TTLL7: variants seen among roughly 807,000 people sequenced by gnomAD.
The protein encoded by TTLL7 is tubulin tyrosine ligase like 7.
In TTLL7, 53 loss-of-function variants were observed where a neutral mutation model predicts 120.2. The observed-to-expected ratio is 0.44, with a 90% CI of 0.35 to 0.55. TTLL7 has a LOEUF of 0.55. Ranked by LOEUF, TTLL7 falls within the 20% of genes least tolerant of loss-of-function variation. TTLL7 has a pLI of 0.00. For synonymous variants in TTLL7, 353 were observed against 351.7 expected (o/e 1.00, Z -0.04); for missense variants, 803 against 1,054.7 (o/e 0.76, Z 3.31).
At chr1:83,983,574 C>G (rs1652172369) in intron 1 of TTLL7, among the ~76,000 whole-genome samples, 1 of 152,094 alleles carries the variant, frequency 6.6e-6, no homozygotes, top group Non-Finnish European at 1.5e-5. Context: ...GAGTTTATGG[C>G]TAAGTGCCCA....
At chr1:83,884,389 T>C (rs1421197433) in intron 19 of TTLL7, among the ~76,000 whole-genome samples, 2 of 146,142 alleles carry the variant, frequency 1.4e-5, no homozygotes, top group Non-Finnish European at 3.0e-5. Context: ...CTGTGGATAT[T>C]TGATATATTT....
intron 6 of TTLL7, among the ~76,000 whole-genome samples, chr1:83,944,079 G>C (rs1648240740): frequency 6.6e-6 from 1 of 151,832 alleles, no homozygotes; most frequent in Non-Finnish European, 1.5e-5. Flanking sequence ...GAAAACTTGA[G>C]GATAAGCCAA....
intron 1 of TTLL7, among the ~76,000 whole-genome samples, chr1:83,975,834 C>T (rs1027597302): frequency 3.9e-5 from 6 of 152,066 alleles, no homozygotes; most frequent in African/African-American, 1.4e-4. Context: ...CTTTCTACTA[C>T]AGATTTTTGT....
intron 1 of TTLL7, among the ~76,000 whole-genome samples, chr1:83,956,877 T>C (rs1001647342): frequency 1.3e-5 from 2 of 152,204 alleles, no homozygotes; most frequent in African/African-American, 2.4e-5. Flanking sequence ...TAAGGGAGAC[T>C]TACTTGTACT....
chr1:83,915,686 AC>A (rs1241806418), intron 14 of TTLL7, among the ~76,000 whole-genome samples: 1 of 152,152 alleles, frequency 6.6e-6, no homozygotes, highest in Non-Finnish European at 1.5e-5. Context: ...AAAAGAAACT[AC>A]TATCAGAGTG....
At chr1:83,979,029 A>G (rs1299731399) in intron 1 of TTLL7, 1 of 152,216 alleles carries the variant, frequency 6.6e-6, no homozygotes, top group Admixed American at 6.5e-5. Context: ...AGCTCTCAGA[A>G]GCAGAGAGGA....
intron 1 of TTLL7, among the ~76,000 whole-genome samples, chr1:83,958,373 A>C (rs970504169): frequency 1.3e-5 from 2 of 152,192 alleles, no homozygotes; most frequent in Non-Finnish European, 2.9e-5. Context: ...ACTTCCAAAA[A>C]AAAGAGAAAA....
chr1:83,981,730 G>T (rs1268351772), intron 1 of TTLL7, among the ~76,000 whole-genome samples: 1 of 151,960 alleles, frequency 6.6e-6, no homozygotes, highest in Non-Finnish European at 1.5e-5. Flanking sequence ...TACTCAGGAG[G>T]CTGAGGCAGG....
intron 3 of TTLL7, among the ~76,000 whole-genome samples, chr1:83,950,931 C>T (rs188351848): frequency 1.4e-3 from 207 of 152,244 alleles, no homozygotes; most frequent in African/African-American, 4.8e-3. Flanking sequence ...AAAACAATAA[C>T]AAATTCAGAA....
At chr1:83,897,433 G>A (rs1395108240) in intron 18 of TTLL7, among the ~76,000 whole-genome samples, 1 of 152,000 alleles carries the variant, frequency 6.6e-6, no homozygotes, top group Non-Finnish European at 1.5e-5. Flanking sequence ...GTATAAAATT[G>A]GCAATCAATA....
intron 1 of TTLL7, chr1:83,980,387 C>A (rs1181720422): frequency 6.6e-6 from 1 of 152,224 alleles, no homozygotes; most frequent in Non-Finnish European, 1.5e-5. Flanking sequence ...ACCTCAACTT[C>A]CCAAGTAGCT....
rs17855099 is a variant in TTLL7 at position 83,937,924 on chromosome 1, A to C, written c.816T>G (p.Arg272=). 6.2e-7 allele frequency: 1 copy of C among 1,614,108 alleles called. No individual in the cohort carries two copies. Residue 272 remains arginine (R), a synonymous_variant, in exon 8 of 21, where the codon CGT becomes CGG. Transcript: ENST00000260505. ...GGAATTCTGTAAACCATTTGATGGA[A>C]CGTTTGCTGCCTTTGTTCTCAGTTT... ...RDETENKGSK[R]SIKWFTEFLQ...
intron 4 of TTLL7, 120 bp from the exon 5 acceptor site, chr1:83,948,815 CT>C (rs1648756258): frequency 1.5e-6 from 1 of 648,084 alleles, no homozygotes; most frequent in African/African-American, 1.8e-5. Flanking sequence ...AATTATTAAT[CT>C]AAAAGATTTA....
intron 6 of TTLL7, 148 bp from the exon 7 acceptor site, chr1:83,942,827 T>C (rs1648101926): frequency 3.3e-6 from 2 of 613,254 alleles, no homozygotes; most frequent in African/African-American, 1.8e-5. Flanking sequence ...AAAGAAATTA[T>C]AGGAATCAAC....
chr1:83,926,476 T>C (rs559627681), intron 10 of TTLL7, among the ~76,000 whole-genome samples: 33 of 151,984 alleles, frequency 2.2e-4, no homozygotes, highest in Non-Finnish European at 4.4e-4. Context: ...CATGTCAGAC[T>C]CAAAAATGAT....
intron 15 of TTLL7, among the ~76,000 whole-genome samples, chr1:83,910,311 G>A (rs547540380): frequency 6.6e-6 from 1 of 152,112 alleles, no homozygotes; most frequent in Non-Finnish European, 1.5e-5. Flanking sequence ...TATTGAGCTG[G>A]TTCCTTTAGT....
At chr1:83,987,016 C>A (rs1341420518) in intron 1 of TTLL7, among the ~76,000 whole-genome samples, 8 of 151,438 alleles carry the variant, frequency 5.3e-5, no homozygotes, top group African/African-American at 7.3e-5. Flanking sequence ...TTAAAAAAAA[C>A]CCTCAAAGTG....
intron 1 of TTLL7, among the ~76,000 whole-genome samples, chr1:83,956,225 G>T (rs1649495471): frequency 6.6e-6 from 1 of 151,736 alleles, no homozygotes; most frequent in South Asian, 2.1e-4. Context: ...CCAAGTAGCT[G>T]GGACTACAGG....
intron 15 of TTLL7, among the ~76,000 whole-genome samples, chr1:83,908,475 A>G (rs1657400048): frequency 2.0e-5 from 3 of 152,232 alleles, no homozygotes; most frequent in Non-Finnish European, 4.4e-5. Flanking sequence ...TTAAATTCCT[A>G]TAGAAAAAGA....
Sources: gnomAD v4.1 joint callset for allele counts (sites outside exome capture counted in the v4.1 genomes callset) on GRCh38, gnomAD v4.1.1 for gene constraint, MANE v1.5 for transcripts, NCBI Gene and HGNC (gene_info 2026-07-23, HGNC 2026-07-21) for gene names.